Variants in RASEF observed in about 807,000 individuals in gnomAD.
RASEF encodes RAS and EF-hand domain containing.
A neutral mutation model predicts 90.1 loss-of-function variants in RASEF; 68 were observed. That is an observed-to-expected ratio of 0.75 (90% CI 0.62 to 0.92). The LOEUF (loss-of-function observed/expected upper bound fraction) is 0.92, where lower values mean the gene tolerates loss of function less well. Ranked by LOEUF, RASEF falls within the 40% of genes least tolerant of loss-of-function variation. The pLI is 0.00. For synonymous variants in RASEF, 331 were observed against 345.2 expected, an observed-to-expected ratio of 0.96 and a Z score of 0.46; for missense variants, 949 against 937.2, an observed-to-expected ratio of 1.01 and a Z score of -0.16.
At chr9:83,097,170 A>G in the RASEF span, among the ~76,000 whole-genome samples, 2 of 152,202 alleles carry the variant, frequency 1.3e-5, no homozygotes, top group Non-Finnish European at 2.9e-5. Flanking sequence ...GCTGGGTCAA[A>G]TGGTATTTCT....
At chr9:83,141,723 AT>A in the RASEF span, among the ~76,000 whole-genome samples, 6 of 152,156 alleles carry the variant, frequency 3.9e-5, no homozygotes, top group Admixed American at 3.3e-4. Context: ...CACGTGCCCA[AT>A]GGCATTGGTG....
chr9:83,018,994 C>T (rs904038128), intron 3 of RASEF, among the ~76,000 whole-genome samples: 2 of 152,024 alleles, frequency 1.3e-5, no homozygotes, highest in African/African-American at 4.8e-5. Flanking sequence ...CATATCTTGG[C>T]ACCAAATACA....
rs144486376 is a variant in RASEF at position 83,026,392 on chromosome 9, C to T, written c.432-471G>A. ...TATACATAAAAGAGCTTTTAACTGA[C>T]TCACAGTTCCACATGACTGGGAGGC... On this transcript the variant is annotated intron_variant, in intron 1 of 16. Transcript: ENST00000376447. Among the ~76,000 whole-genome samples, 1,332 of 152,226 alleles carry T rather than the reference C, an allele frequency of 8.8e-3. 21 individuals are homozygous for T. The highest frequency in any genetic ancestry group is 0.03 in the African/African-American group (1,254 of 41,546).
chr9:83,064,850 T>C (rs1358575667), upstream of RASEF, among the ~76,000 whole-genome samples: 1 of 152,126 alleles, frequency 6.6e-6, no homozygotes, highest in Non-Finnish European at 1.5e-5. Flanking sequence ...GTGGATCACT[T>C]GAAGTCAGGA....
At chr9:83,047,929 T>C (rs983813104) in intron 1 of RASEF, among the ~76,000 whole-genome samples, 5 of 152,224 alleles carry the variant, frequency 3.3e-5, no homozygotes, top group Non-Finnish European at 7.3e-5. Flanking sequence ...TACTGTCTCT[T>C]TAGCTATGCA....
the RASEF span, among the ~76,000 whole-genome samples, chr9:83,088,360 A>T: frequency 3.1e-5 from 4 of 128,336 alleles, no homozygotes; most frequent in African/African-American, 1.2e-4. Flanking sequence ...ATACACAGAG[A>T]TATAGATAGA....
the RASEF span, among the ~76,000 whole-genome samples, chr9:83,187,967 T>C: frequency 6.6e-6 from 1 of 152,038 alleles, no homozygotes; most frequent in African/African-American, 2.4e-5. Flanking sequence ...AAGACGGGGG[T>C]GGAGAAAGTT....
At chr9:83,194,764 A>G in the RASEF span, among the ~76,000 whole-genome samples, 2 of 152,208 alleles carry the variant, frequency 1.3e-5, no homozygotes. Context: ...ACTTTCAGTT[A>G]TAACCTAGCA....
the RASEF span, among the ~76,000 whole-genome samples, chr9:83,095,676 T>C: frequency 6.6e-6 from 1 of 152,028 alleles, no homozygotes; most frequent in African/African-American, 2.4e-5. Flanking sequence ...AATAACCCTC[T>C]TTACGGCTGA....
intron 3 of RASEF, among the ~76,000 whole-genome samples, chr9:83,017,707 G>C (rs1339512609): frequency 6.6e-6 from 1 of 152,160 alleles, no homozygotes; most frequent in Non-Finnish European, 1.5e-5. Flanking sequence ...CTCATTCTAG[G>C]AGACCAGAAT....
At chr9:83,204,398 C>T in the RASEF span, among the ~76,000 whole-genome samples, 6 of 152,202 alleles carry the variant, frequency 3.9e-5, no homozygotes, top group African/African-American at 1.4e-4. Flanking sequence ...TCACAGGCCA[C>T]ATCTGGGTTC....
intron 2 of RASEF, among the ~76,000 whole-genome samples, chr9:83,023,031 T>C (rs193203848): frequency 1.3e-5 from 2 of 152,262 alleles, no homozygotes; most frequent in East Asian, 3.9e-4. Flanking sequence ...AGTAAAGATA[T>C]CAAAGTGCTG....
intron 1 of RASEF, among the ~76,000 whole-genome samples, chr9:83,032,514 C>A (rs906236620): frequency 6.6e-6 from 1 of 152,168 alleles, no homozygotes; most frequent in Admixed American, 6.5e-5. Context: ...AGAGAGCAAC[C>A]AACACTAATA....
intron 13 of RASEF, 59 bp downstream of exon 13, chr9:82,998,306 C>A (rs923685915): frequency 3.2e-6 from 3 of 944,610 alleles, no homozygotes; most frequent in South Asian, 1.4e-5. Context: ...CATCAAGTGG[C>A]CTGCAAGGCT....
chr9:83,062,342 G>C lies in RASEF; in HGVS notation c.431+95C>G, dbSNP rs770252973. On this transcript the variant is annotated intron_variant, in intron 1 of 16. Coordinates refer to ENST00000376447, the MANE Select transcript of RASEF (RefSeq NM_152573.4). ...CAAGCAACTCACAGAGAAGACTAGG[G>C]GGGGGGGCCATTGGGTCTGCACACC... The C allele has an allele frequency of 2.3e-4, 243 of 1,053,906 alleles. 1 individual carries two copies. The highest frequency in any genetic ancestry group is 2.2e-3 in the Middle Eastern group (11 of 4,910). 65.3% of individuals were successfully genotyped at this position (1,053,906 alleles called of 1,614,324 possible). A position where few individuals can be genotyped will look rare whatever the true frequency, so the allele number is the denominator to read the frequency against.
intron 2 of RASEF, among the ~76,000 whole-genome samples, chr9:83,025,548 T>C (rs559933562): frequency 1.3e-4 from 20 of 152,342 alleles, no homozygotes; most frequent in African/African-American, 4.1e-4. Context: ...TATCAAGTCA[T>C]CATTGATCCT....
intron 2 of RASEF, 144 bp from the exon 3 acceptor site, chr9:83,022,570 C>T (rs1829463905): frequency 3.1e-6 from 2 of 642,110 alleles, no homozygotes; most frequent in Non-Finnish European, 5.4e-6. Flanking sequence ...ATTCCTTCTA[C>T]ATAATAAAAT....
the RASEF span, among the ~76,000 whole-genome samples, chr9:83,171,830 T>A: frequency 6.6e-6 from 1 of 151,770 alleles, no homozygotes; most frequent in Non-Finnish European, 1.5e-5. Flanking sequence ...GTCTAGTTAG[T>A]GGTTTATCAA....
At chr9:83,134,493 T>A in the RASEF span, among the ~76,000 whole-genome samples, 1 of 151,372 alleles carries the variant, frequency 6.6e-6, no homozygotes, top group East Asian at 1.9e-4. Context: ...TCAGTTTAAA[T>A]ACAAAGTTGG....
Sources: gnomAD v4.1 joint callset for allele counts (sites outside exome capture counted in the v4.1 genomes callset) on GRCh38, gnomAD v4.1.1 for gene constraint, MANE v1.5 for transcripts, NCBI Gene and HGNC (gene_info 2026-07-23, HGNC 2026-07-21) for gene names.